RNF38: variants seen among roughly 807,000 people sequenced by gnomAD.
RNF38 encodes the protein ring finger protein 38.
Under a neutral mutation model 67.2 loss-of-function variants are expected in RNF38, and 15 were observed. That is an observed-to-expected ratio of 0.22 (90% CI 0.15 to 0.34). RNF38 has a LOEUF of 0.34. Among genes scored for constraint, RNF38 ranks in the 10% least tolerant of loss-of-function variants. The probability of loss-of-function intolerance (pLI) is 1.00; values close to 1 mark genes in which losing one functional copy is unlikely to be tolerated. For synonymous variants in RNF38, 220 were observed against 218.8 expected, an observed-to-expected ratio of 1.01 and a Z score of -0.05; for missense variants, 524 against 639.9, an observed-to-expected ratio of 0.82 and a Z score of 1.95.
chr9:36,364,780 C>T (rs1834818439), intron 4 of RNF38, among the ~76,000 whole-genome samples: 2 of 152,294 alleles, frequency 1.3e-5, no homozygotes, highest in East Asian at 1.9e-4. Context: ...ATTGCTGAGT[C>T]CCACACCCAC....
chr9:36,345,054 A>G, intron 9 of RNF38, 101 bp from the exon 10 acceptor site: 2 of 1,282,704 alleles, frequency 1.6e-6, no homozygotes, highest in Admixed American at 2.3e-5. Flanking sequence ...TGCCCAGGCT[A>G]GAGTATAGCG....
At chr9:36,409,149 T>C (rs1838253958) in intron 2 of RNF38, among the ~76,000 whole-genome samples, 1 of 149,766 alleles carries the variant, frequency 6.7e-6, no homozygotes, top group Non-Finnish European at 1.5e-5. Flanking sequence ...ATCACACCAC[T>C]GCACTATAGC....
In RNF38 at chr9:36,451,910, C is replaced by CT. The variant is rs750445131; in HGVS notation, n.242-27228dup. On this transcript the variant is annotated intron_variant and non_coding_transcript_variant, in intron 1 of 3. Transcript: ENST00000488058. ...TGATGTGGATCCTAATTCGAGCAAA[C>CT]TTTTTTAAAAAAAAAACTTTTTAAG... 3.1e-3 allele frequency among the ~76,000 whole-genome samples: 468 copies of CT among 151,966 alleles called. 1 individual carries two copies. The highest frequency in any genetic ancestry group is 5.0e-3 in the Non-Finnish European group (342 of 67,940).
At chr9:36,401,221 G>GGCGGGGCTGC (rs1309153317), upstream of RNF38, 1 of 980,586 alleles carries the variant, frequency 1.0e-6, no homozygotes, top group East Asian at 1.2e-4. Flanking sequence ...GGCGGGGCGG[G>GGCGGGGCTGC]GCTGCGCGCG....
At chr9:36,428,435 G>A (rs553761799) in intron 1 of RNF38, among the ~76,000 whole-genome samples, 2 of 142,976 alleles carry the variant, frequency 1.4e-5, no homozygotes, top group East Asian at 4.0e-4. Context: ...GGATAAAACT[G>A]TAGTACAACT....
intron 1 of RNF38, among the ~76,000 whole-genome samples, chr9:36,470,216 T>A (rs1159631934): frequency 6.6e-6 from 1 of 152,146 alleles, no homozygotes; most frequent in Non-Finnish European, 1.5e-5. Flanking sequence ...GAACCACTAC[T>A]CTACCTCCTG....
At chr9:36,424,304 C>G (rs1282262492) in intron 2 of RNF38, among the ~76,000 whole-genome samples, 2 of 152,182 alleles carry the variant, frequency 1.3e-5, no homozygotes, top group East Asian at 3.8e-4. Flanking sequence ...CTCTGAAACA[C>G]ATGTTCGTAT....
chr9:36,339,599 T>C lies in RNF38; in HGVS notation c.*153A>G. ...TAACTGTGAAGACTAATTGTAAGCTTTTATAGTTGATTAAGTCACACAGTG... is the reference window on the plus strand; with the variant it reads ...TAACTGTGAAGACTAATTGTAAGCTCTTATAGTTGATTAAGTCACACAGTG... On this transcript the variant is annotated 3_prime_UTR_variant, in exon 12 of 12. Transcript: ENST00000259605. The C allele has an allele frequency of 1.6e-6, 1 of 608,724 alleles. No homozygotes were observed. Among genetic ancestry groups the C allele is most frequent in the Non-Finnish European group, 3.0e-6 (1 of 336,958 alleles). The allele number at this position is 608,724 out of a possible 1,614,324, so 37.7% of individuals were successfully genotyped here.
rs367707124 is a variant in RNF38, at chr9:36,351,073, C to A, written c.1263+42G>T. ...AGTTAAGTAGAATAATACTTTCATGCACACAATATTCCCCAAATTAATTCA... is the reference window on the plus strand; with the variant it reads ...AGTTAAGTAGAATAATACTTTCATGAACACAATATTCCCCAAATTAATTCA... On this transcript the variant is annotated intron_variant, in intron 9 of 11. Coordinates refer to ENST00000259605, the MANE Select transcript of RNF38 (RefSeq NM_022781.5). 4 of 1,366,620 alleles carry A rather than the reference C, an allele frequency of 2.9e-6. No individual in the cohort carries two copies. In the Admixed American group the frequency reaches 7.1e-5, roughly 24 times the overall value. 84.7% of individuals were successfully genotyped at this position (1,366,620 alleles called of 1,614,324 possible).
At chr9:36,477,833 A>G (rs199651548) in intron 1 of RNF38, among the ~76,000 whole-genome samples, 1 of 147,424 alleles carries the variant, frequency 6.8e-6, no homozygotes, top group South Asian at 2.1e-4. Context: ...AAAAAAAAAA[A>G]AAAGAAAGAA....
chr9:36,397,603 G>A (rs1200691794), intron 1 of RNF38, among the ~76,000 whole-genome samples: 4 of 152,092 alleles, frequency 2.6e-5, no homozygotes, highest in African/African-American at 9.7e-5. Context: ...GAAATAGGGT[G>A]TGTGAAAACA....
At chr9:36,468,418 C>A (rs1839916365) in intron 1 of RNF38, among the ~76,000 whole-genome samples, 1 of 152,274 alleles carries the variant, frequency 6.6e-6, no homozygotes, top group South Asian at 2.1e-4. Context: ...CCTAAGAGTT[C>A]TTTATCTGGG....
At position 36,369,949 on chromosome 9, in the gene RNF38, A is replaced by C. The variant is rs772509771; in HGVS notation, c.357-17T>G. On this transcript the variant is annotated splice_polypyrimidine_tract_variant and intron_variant, in intron 3 of 11. Transcript: ENST00000259605. ...ACAGGAGGACTGTGATAAATATCAA[A>C]AAGAAAGTCATTATGCTTATTGTGA... 31 of 1,598,430 alleles carry C rather than the reference A, an allele frequency of 1.9e-5. 1 individual carries two copies. In the African/African-American group the frequency reaches 3.8e-4, roughly 19 times the overall value.
Position 36,409,947 on chromosome 9 carries a change from A to G in RNF38, n.312+14666T>C, listed in dbSNP as rs573541090. Among the ~76,000 whole-genome samples the G allele has an allele frequency of 1.2e-4, 19 of 152,324 alleles. No individual in the cohort carries two copies. The South Asian group carries it at 3.5e-3, about 28-fold the overall frequency. ...ATATAAAATTTAAGCTTCCATAGGA[A>G]GCTTATTTATCTTCCCCTGGCTTGC... On this transcript the variant is annotated intron_variant and non_coding_transcript_variant, in intron 2 of 3. Transcript: ENST00000488058.
At chr9:36,415,039 A>G (rs1838425293) in intron 2 of RNF38, among the ~76,000 whole-genome samples, 1 of 152,148 alleles carries the variant, frequency 6.6e-6, no homozygotes, top group Non-Finnish European at 1.5e-5. Flanking sequence ...ATCTTTTTGC[A>G]ATGCATTTCC....
chr9:36,370,176 A>G (rs754047694), intron 3 of RNF38, among the ~76,000 whole-genome samples: 2 of 152,176 alleles, frequency 1.3e-5, no homozygotes, highest in African/African-American at 4.8e-5. Context: ...CAACAGCTAC[A>G]ATTTTTTCTT....
intron 1 of RNF38, among the ~76,000 whole-genome samples, chr9:36,444,922 T>TG (rs1839268606): frequency 1.3e-5 from 2 of 150,156 alleles, no homozygotes; most frequent in African/African-American, 4.9e-5. Context: ...CCATTCTCTT[T>TG]TTTTTTTTTT....
At chr9:36,426,229 A>G (rs1838768183) in intron 1 of RNF38, among the ~76,000 whole-genome samples, 1 of 152,176 alleles carries the variant, frequency 6.6e-6, no homozygotes. Flanking sequence ...TATTTAAAGT[A>G]TACAATTCAA....
chr9:36,447,923 A>T (rs1839346253), intron 1 of RNF38, among the ~76,000 whole-genome samples: 1 of 152,250 alleles, frequency 6.6e-6, no homozygotes, highest in South Asian at 2.1e-4. Context: ...CTCATAGGCA[A>T]CCAAGAGCAG....
Sources: gnomAD v4.1 joint callset for allele counts (sites outside exome capture counted in the v4.1 genomes callset) on GRCh38, gnomAD v4.1.1 for gene constraint, MANE v1.5 for transcripts, NCBI Gene and HGNC (gene_info 2026-07-23, HGNC 2026-07-21) for gene names.